The following TASOR variants were observed in gnomAD, a reference collection of about 807,000 sequenced individuals.
The protein encoded by TASOR is protein TASOR.
Under a neutral mutation model 178.6 loss-of-function variants are expected in TASOR, and 53 were observed. The ratio of observed to expected loss-of-function variants is 0.30; its 90% CI spans 0.24 to 0.37. TASOR has a LOEUF of 0.37. Among genes scored for constraint, TASOR ranks in the 10% least tolerant of loss-of-function variants. The pLI, the probability that TASOR is intolerant of heterozygous loss-of-function variation, is 1.00. For missense variants in TASOR, 1,815 were observed against 1,971.4 expected (o/e 0.92, Z 1.50); for synonymous variants, 713 against 696.2 (o/e 1.02, Z -0.38).
At chr3:56,680,987 AAC>A (rs770888079) in intron 1 of TASOR, among the ~76,000 whole-genome samples, 13 of 152,068 alleles carry the variant, frequency 8.5e-5, no homozygotes, top group Non-Finnish European at 1.6e-4. Context: ...ATTTTAAAAA[AAC>A]ACACAAACAC....
intron 4 of TASOR, 135 bp from the exon 5 acceptor site, chr3:56,669,926 C>A: frequency 1.1e-6 from 1 of 874,802 alleles, no homozygotes; most frequent in Non-Finnish European, 1.7e-6. Context: ...TAAAACTGAT[C>A]TTACATTTCA....
intron 3 of TASOR, among the ~76,000 whole-genome samples, chr3:56,671,069 G>A (rs997886741): frequency 2.6e-5 from 4 of 151,648 alleles, no homozygotes; most frequent in Admixed American, 6.6e-5. Flanking sequence ...GGCCAGGCGC[G>A]GTGGCTCACA....
chr3:56,675,144 C>T (rs1185199649), intron 1 of TASOR, among the ~76,000 whole-genome samples: 1 of 147,976 alleles, frequency 6.8e-6, no homozygotes, highest in African/African-American at 2.5e-5. Context: ...AGTTTTTATC[C>T]TCCACATCCC....
At chr3:56,662,605 G>T in intron 8 of TASOR, 115 bp from the exon 9 acceptor site, 2 of 451,616 alleles carry the variant, frequency 4.4e-6, no homozygotes, top group Non-Finnish European at 8.0e-6. Flanking sequence ...AAGTAGGAGG[G>T]CAAAAAAAAA....
rs1231832951 is a variant in TASOR, at chr3:56,666,363, A to T, written c.919T>A (p.Phe307Ile). 1 of 1,519,154 alleles carries T rather than the reference A, an allele frequency of 6.6e-7. No individual in the cohort carries two copies. The highest frequency in any genetic ancestry group is 2.2e-5 in the Admixed American group (1 of 44,834). 94.1% of individuals were successfully genotyped at this position (1,519,154 alleles called of 1,614,324 possible). The change falls in exon 7 of 24, where the codon TTT becomes ATT. Residue 307 changes from phenylalanine (F) to isoleucine (I), a missense_variant. Phe to Ile is a conservative substitution (Grantham distance 21). Transcript: ENST00000683822. ...CTTGGTCTTCGCCTTAGCTCATCAA[A>T]GCCATACTCATAAAAATAATACTAA... Reference protein sequence around the residue: ...LTQYYFYEYGFDELRRRPRHV... With the variant: ...LTQYYFYEYGIDELRRRPRHV...
chr3:56,659,927 C>T (rs1396080744), intron 11 of TASOR, among the ~76,000 whole-genome samples: 1 of 151,536 alleles, frequency 6.6e-6, no homozygotes, highest in Non-Finnish European at 1.5e-5. Flanking sequence ...CAGGCTGGAG[C>T]GCAATGGTAC....
intron 17 of TASOR, among the ~76,000 whole-genome samples, chr3:56,637,811 G>A (rs1161106323): frequency 6.6e-6 from 1 of 152,024 alleles, no homozygotes; most frequent in Non-Finnish European, 1.5e-5. Flanking sequence ...CCACCAAACT[G>A]TAAACAAGAA....
chr3:56,623,463 C>T lies in TASOR; in HGVS notation c.4587G>A (p.Trp1529Ter). Residue 1529 changes from tryptophan to a stop codon, truncating the protein, a stop_gained, in exon 24 of 24, where the codon TGG (tryptophan) becomes TGA (stop). Coordinates refer to ENST00000683822, the MANE Select transcript of TASOR (RefSeq NM_001365635.2). LOFTEE classifies it high-confidence loss of function. ...EVCSNFHSEI[W>*]EKETKGSRGT... Reference sequence around the variant, plus strand: ...CACGTGATCCTTTGGTCTCTTTCTCCCATATTTCTGAATGAAAATTGCTGC... The same window carrying T: ...CACGTGATCCTTTGGTCTCTTTCTCTCATATTTCTGAATGAAAATTGCTGC... 6.2e-7 allele frequency: 1 copy of T among 1,613,432 alleles called. No homozygotes were observed. The highest frequency in any genetic ancestry group is 8.5e-7 in the Non-Finnish European group (1 of 1,179,958).
chr3:56,672,949 A>C (rs976982329), intron 2 of TASOR, among the ~76,000 whole-genome samples: 12 of 152,054 alleles, frequency 7.9e-5, no homozygotes, highest in African/African-American at 2.7e-4. Context: ...CCCTCCCAAG[A>C]AGCTGGGATT....
intron 18 of TASOR, among the ~76,000 whole-genome samples, chr3:56,629,969 A>AT (rs34509464): frequency 0.45 from 65,171 of 145,774 alleles, 16,519 homozygotes; most frequent in East Asian, 0.79. Flanking sequence ...CCTGCTGGTA[A>AT]TTTTTTTTTT....
chr3:56,662,572 G>T, intron 8 of TASOR, 82 bp from the exon 9 acceptor site: 3 of 545,816 alleles, frequency 5.5e-6, no homozygotes, highest in Non-Finnish European at 6.2e-6. Flanking sequence ...AAATGAGACG[G>T]AAAATATCTA....
chr3:56,681,706 T>C (rs1323187195), intron 1 of TASOR, among the ~76,000 whole-genome samples: 1 of 152,206 alleles, frequency 6.6e-6, no homozygotes, highest in Non-Finnish European at 1.5e-5. Context: ...GTTGTCTAAA[T>C]TCAGAATATC....
chr3:56,668,789 C>A (rs1439249214), intron 5 of TASOR, among the ~76,000 whole-genome samples: 3 of 152,074 alleles, frequency 2.0e-5, no homozygotes, highest in Non-Finnish European at 2.9e-5. Flanking sequence ...GCCTGGCCAA[C>A]ATGGCGAAAC....
At chr3:56,644,424 C>A (rs967016792) in intron 14 of TASOR, among the ~76,000 whole-genome samples, 4 of 151,908 alleles carry the variant, frequency 2.6e-5, no homozygotes, top group South Asian at 2.1e-4. Context: ...AGACAGAAAG[C>A]TGAGGAGAAT....
At chr3:56,636,756 G>A (rs777441624) in intron 17 of TASOR, among the ~76,000 whole-genome samples, 1 of 152,054 alleles carries the variant, frequency 6.6e-6, no homozygotes, top group African/African-American at 2.4e-5. Flanking sequence ...TAAGTGAAAG[G>A]GGAGTAGTCA....
Position 56,668,453 on chromosome 3 carries a change from T to C in TASOR, c.841A>G (p.Lys281Glu). The C allele has an allele frequency of 6.4e-7, 1 of 1,551,724 alleles. No homozygotes were observed. ...PTPKHECHVS[K>E]NANRITSLLA... ...AGTGATGTAATTCGATTGGCATTCT[T>C]TGACACGTGACATTCATGCTTTGGT... The change falls in exon 6 of 24, where the codon AAG (lysine) becomes GAG (glutamate). Residue 281 changes from lysine to glutamate, a missense_variant. Physicochemically the swap from Lys to Glu is moderately conservative, Grantham distance 56. Around this residue, in one of 5 missense-constraint regions of TASOR, gnomAD observed 504 missense variants for 645.3 expected, o/e 0.78. Coordinates refer to ENST00000683822, the MANE Select transcript of TASOR (RefSeq NM_001365635.2).
intron 19 of TASOR, among the ~76,000 whole-genome samples, chr3:56,628,182 A>G (rs1241776109): frequency 6.6e-5 from 10 of 152,204 alleles, no homozygotes; most frequent in Non-Finnish European, 1.5e-5. Context: ...TGGAGCACAA[A>G]TAGGTTTTTC....
chr3:56,640,179 AT>A, intron 15 of TASOR, 49 bp from the exon 16 acceptor site: 1 of 1,535,932 alleles, frequency 6.5e-7, no homozygotes, highest in African/African-American at 1.4e-5. Flanking sequence ...ATTCATTTTA[AT>A]GTCAAGAATA....
intron 1 of TASOR, among the ~76,000 whole-genome samples, chr3:56,681,679 A>C (rs2031801043): frequency 6.6e-6 from 1 of 152,206 alleles, no homozygotes; most frequent in South Asian, 2.1e-4. Flanking sequence ...CTAACCATAC[A>C]GTAGGGCAAA....
Sources: allele counts gnomAD v4.1 joint callset (sites outside exome capture counted in the v4.1 genomes callset), GRCh38; gene constraint gnomAD v4.1.1; regional missense constraint gnomAD v4.1.1; transcripts MANE v1.5; gene names NCBI Gene and HGNC (gene_info 2026-07-23, HGNC 2026-07-21).